The following NFATC3 variants were observed in gnomAD, a reference collection of about 807,000 sequenced individuals.
NFATC3 encodes the protein nuclear factor of activated T cells 3.
NFATC3 carries 46 observed loss-of-function variants against 98.6 expected under a neutral mutation model. The ratio of observed to expected loss-of-function variants is 0.47; its 90% CI spans 0.37 to 0.60. The LOEUF (loss-of-function observed/expected upper bound fraction) is 0.60, where lower values mean the gene tolerates loss of function less well. Among genes scored for constraint, NFATC3 ranks in the 20% least tolerant of loss-of-function variants. The probability of loss-of-function intolerance (pLI) is 0.00; values close to 1 mark genes in which losing one functional copy is unlikely to be tolerated. For synonymous variants in NFATC3, 512 were observed against 472.2 expected (o/e 1.08, Z -1.09); for missense variants, 1,256 against 1,295.5 (o/e 0.97, Z 0.47).
At chr16:68,118,078 A>G (rs996636510) in intron 1 of NFATC3, among the ~76,000 whole-genome samples, 1 of 152,142 alleles carries the variant, frequency 6.6e-6, no homozygotes, top group Non-Finnish European at 1.5e-5. Context: ...TCTTAAAGAA[A>G]CCAAGGCGTT....
At position 68,226,494 on chromosome 16, in the gene NFATC3, TCCA is replaced by T. The variant is rs760915379; in HGVS notation, c.*30_*32del. 1 of 1,469,028 alleles carries T rather than the reference TCCA, an allele frequency of 6.8e-7. No homozygotes were observed. The highest frequency in any genetic ancestry group is 2.8e-5 in the Admixed American group (1 of 35,302). The allele number at this position is 1,469,028 out of a possible 1,614,324, so 91.0% of individuals were successfully genotyped here. A position where few individuals can be genotyped will look rare whatever the true frequency, so the allele number is the denominator to read the frequency against. ...TAACAGTGCTTACTGCAGCCTTGTG[TCCA>T]CCACCAACTTCTCAGCATGTTTCTC... On this transcript the variant is annotated 3_prime_UTR_variant, in exon 10 of 10. Transcript: ENST00000346183.
At chr16:68,208,848 CTTTA>C (rs1206077728) in intron 9 of NFATC3, among the ~76,000 whole-genome samples, 3 of 151,988 alleles carry the variant, frequency 2.0e-5, no homozygotes, top group East Asian at 1.9e-4. Context: ...ACTTTGGTGA[CTTTA>C]TTTGTTAGTG....
intron 9 of NFATC3, chr16:68,225,509 C>G (rs1001695007): frequency 4.6e-5 from 7 of 152,268 alleles, no homozygotes; most frequent in Non-Finnish European, 8.8e-5. Flanking sequence ...GCTGTATATT[C>G]CATTTTATGG....
chr16:68,199,399 A>AT (rs912182896), intron 9 of NFATC3, among the ~76,000 whole-genome samples: 4 of 145,694 alleles, frequency 2.7e-5, no homozygotes, highest in Non-Finnish European at 6.0e-5. Flanking sequence ...AATTTTTTGT[A>AT]TTTTTTAGTA....
chr16:68,115,205 C>G (rs2036209958), intron 1 of NFATC3, among the ~76,000 whole-genome samples: 1 of 151,810 alleles, frequency 6.6e-6, no homozygotes, highest in Non-Finnish European at 1.5e-5. Context: ...GCTGGGATTA[C>G]AAGCGCCTGC....
At chr16:68,090,443 A>C (rs2034651597) in intron 1 of NFATC3, among the ~76,000 whole-genome samples, 1 of 152,222 alleles carries the variant, frequency 6.6e-6, no homozygotes, top group South Asian at 2.1e-4. Context: ...ATTTACAAAC[A>C]GTAGCATTTT....
intron 9 of NFATC3, 95 bp from the exon 10 acceptor site, chr16:68,226,255 G>A: frequency 2.8e-6 from 4 of 1,418,334 alleles, no homozygotes; most frequent in Non-Finnish European, 2.8e-6. Context: ...AGAAAGCCAT[G>A]GGAAGGGAAA....
chr16:68,096,859 TGAG>T, intron 1 of NFATC3, among the ~76,000 whole-genome samples: 1 of 152,296 alleles, frequency 6.6e-6, no homozygotes, highest in East Asian at 1.9e-4. Flanking sequence ...TATACTGTAT[TGAG>T]GAGTTTGGAT....
chr16:68,109,858 G>A (rs573636853), intron 1 of NFATC3, among the ~76,000 whole-genome samples: 1 of 152,166 alleles, frequency 6.6e-6, no homozygotes, highest in Admixed American at 6.5e-5. Flanking sequence ...TAGTTTATTT[G>A]CATAAAGGTG....
chr16:68,091,989 T>C (rs1201622434), intron 1 of NFATC3, among the ~76,000 whole-genome samples: 1 of 152,154 alleles, frequency 6.6e-6, no homozygotes, highest in Non-Finnish European at 1.5e-5. Flanking sequence ...TCAAACATAA[T>C]GTGGGTCTGC....
In NFATC3 at chr16:68,122,888, C is replaced by A. The variant is rs768896002; in HGVS notation, c.1005C>A (p.Asp335Glu). 6.2e-7 allele frequency: 1 copy of A among 1,614,208 alleles called. No homozygotes were observed. Among genetic ancestry groups the A allele is most frequent in the Non-Finnish European group, 8.5e-7 (1 of 1,180,034 alleles). ...VFPFQYCVET[D>E]IPLKTRKTSE... Reference sequence around the variant, plus strand: ...CATTTCAGTACTGTGTAGAGACTGACATCCCTCTCAAAACAAGGAAAACTT... The same window carrying A: ...CATTTCAGTACTGTGTAGAGACTGAAATCCCTCTCAAAACAAGGAAAACTT... Residue 335 changes from aspartate to glutamate, a missense_variant, in exon 2 of 10, where the codon GAC (aspartate) becomes GAA (glutamate). Asp to Glu is a conservative substitution (Grantham distance 45). Transcript: ENST00000346183.
At chr16:68,214,257 G>T in intron 9 of NFATC3, 1 of 1,120,936 alleles carries the variant, frequency 8.9e-7, no homozygotes. Context: ...AAAACAGGCT[G>T]GGCACTGTAG....
chr16:68,148,224 C>G (rs968587688), intron 3 of NFATC3, among the ~76,000 whole-genome samples: 1 of 152,124 alleles, frequency 6.6e-6, no homozygotes, highest in African/African-American at 2.4e-5. Flanking sequence ...CCATGTTGGT[C>G]AGGCTGGTCT....
chr16:68,155,867 T>C (rs2038585622), intron 3 of NFATC3, among the ~76,000 whole-genome samples: 1 of 152,034 alleles, frequency 6.6e-6, no homozygotes, highest in African/African-American at 2.4e-5. Context: ...AAACACTCAA[T>C]GGTAGCAGAC....
At chr16:68,187,477 C>T (rs951986635) in intron 8 of NFATC3, among the ~76,000 whole-genome samples, 11 of 152,102 alleles carry the variant, frequency 7.2e-5, no homozygotes, top group African/African-American at 9.7e-5. Flanking sequence ...GGAGGGTGAG[C>T]GGGATGAAGA....
intron 9 of NFATC3, among the ~76,000 whole-genome samples, chr16:68,205,811 A>ATTT (rs2041123154): frequency 6.6e-6 from 1 of 152,194 alleles, no homozygotes; most frequent in East Asian, 1.9e-4. Flanking sequence ...GTAACATAAA[A>ATTT]GAGCTTCCTT....
chr16:68,186,471 C>T (rs1187388762), intron 8 of NFATC3, among the ~76,000 whole-genome samples: 3 of 151,868 alleles, frequency 2.0e-5, no homozygotes, highest in South Asian at 2.1e-4. Context: ...ACCCAGGAGG[C>T]GGAGCTTGCA....
rs1567508981 is a variant in NFATC3, at chr16:68,122,838, T to C, written c.955T>C (p.Ser319Pro). The change falls in exon 2 of 10, where the codon TCA becomes CCA. Residue 319 changes from serine (S) to proline (P), a missense_variant. By Grantham distance (74) the Ser-to-Pro change is moderately conservative (BLOSUM62 -1). Coordinates refer to ENST00000346183, the MANE Select transcript of NFATC3 (RefSeq NM_173165.3). ...TWLNASVHGG[S>P]GLGPAVFPFQ... Reference sequence around the variant, plus strand: ...GCTCAATGCTTCTGTCCATGGTGGGTCAGGCCTTGGCCCTGCAGTTTTTCC... The same window carrying C: ...GCTCAATGCTTCTGTCCATGGTGGGCCAGGCCTTGGCCCTGCAGTTTTTCC... The C allele has an allele frequency of 6.2e-7, 1 of 1,614,232 alleles. No homozygotes were observed. The highest frequency in any genetic ancestry group is 8.5e-7 in the Non-Finnish European group (1 of 1,180,034).
chr16:68,086,737 T>G, intron 1 of NFATC3: 1 of 985,476 alleles, frequency 1.0e-6, no homozygotes, highest in South Asian at 4.7e-5. Context: ...TTCAGTAGAC[T>G]GTTCTGTAGA....
Sources: gnomAD v4.1 joint callset for allele counts (sites outside exome capture counted in the v4.1 genomes callset) on GRCh38, gnomAD v4.1.1 for gene constraint, MANE v1.5 for transcripts, NCBI Gene and HGNC (gene_info 2026-07-23, HGNC 2026-07-21) for gene names.